ENOX1: variants seen among roughly 807,000 people sequenced by gnomAD.
ENOX1 encodes the protein ecto-NOX disulfide-thiol exchanger 1.
ENOX1 carries 42 observed loss-of-function variants against 82.5 expected under a neutral mutation model. The observed-to-expected ratio is 0.51, with a 90% CI of 0.40 to 0.66. The LOEUF is 0.66. Among genes scored for constraint, ENOX1 ranks in the 30% least tolerant of loss-of-function variants. The probability of loss-of-function intolerance (pLI) is 0.00; values close to 1 mark genes in which losing one functional copy is unlikely to be tolerated. For missense variants in ENOX1, 608 were observed against 811.6 expected, an observed-to-expected ratio of 0.75 and a Z score of 3.05; for synonymous variants, 271 against 282.2, an observed-to-expected ratio of 0.96 and a Z score of 0.40.
intron 3 of ENOX1, among the ~76,000 whole-genome samples, chr13:43,457,376 A>T (rs2057282320): frequency 6.6e-6 from 1 of 152,208 alleles, no homozygotes; most frequent in Non-Finnish European, 1.5e-5. Context: ...GACTTTCCAT[A>T]AATGTTATCT....
At chr13:43,387,181 T>A (rs142882364) in intron 5 of ENOX1, among the ~76,000 whole-genome samples, 6 of 152,250 alleles carry the variant, frequency 3.9e-5, no homozygotes, top group African/African-American at 9.6e-5. Context: ...ATAGACATAA[T>A]CAAAAGGTAA....
At chr13:43,747,350 C>A (rs988388805) in intron 1 of ENOX1, among the ~76,000 whole-genome samples, 4 of 152,158 alleles carry the variant, frequency 2.6e-5, no homozygotes, top group Admixed American at 6.6e-5. Context: ...CTAGTGAATT[C>A]TATCACTGTA....
intron 3 of ENOX1, among the ~76,000 whole-genome samples, chr13:43,437,555 T>C (rs1311331454): frequency 6.6e-6 from 1 of 152,222 alleles, no homozygotes; most frequent in Non-Finnish European, 1.5e-5. Flanking sequence ...GACAACTTAC[T>C]AGGTTTGTGA....
chr13:43,262,674 G>A (rs1042865380), intron 14 of ENOX1, among the ~76,000 whole-genome samples: 3 of 151,994 alleles, frequency 2.0e-5, no homozygotes, highest in East Asian at 3.9e-4. Context: ...CTACAGGTGC[G>A]CCATGTTGCC....
At chr13:43,584,526 T>C (rs1299795673) in intron 2 of ENOX1, among the ~76,000 whole-genome samples, 1 of 152,228 alleles carries the variant, frequency 6.6e-6, no homozygotes, top group Non-Finnish European at 1.5e-5. Flanking sequence ...CTATGGGATC[T>C]AACGTGATAA....
rs760679283 is a variant in ENOX1 at position 43,411,904 on chromosome 13, G to A, written c.208+12C>T. 2.2e-5 allele frequency: 36 copies of A among 1,613,920 alleles called. No individual in the cohort carries two copies. In the South Asian group the frequency reaches 3.8e-4, roughly 17 times the overall value. On this transcript the variant is annotated intron_variant, in intron 5 of 16. Transcript: ENST00000690772. Reference sequence around the variant, plus strand: ...CTGCTGCAAGCATCTCTGAAACCAGGAGAAAGCTTACCAGACACGAGCTGC... The same window carrying A: ...CTGCTGCAAGCATCTCTGAAACCAGAAGAAAGCTTACCAGACACGAGCTGC...
At chr13:43,775,396 T>C (rs1951855698) in intron 1 of ENOX1, among the ~76,000 whole-genome samples, 1 of 152,128 alleles carries the variant, frequency 6.6e-6, no homozygotes, top group South Asian at 2.1e-4. Flanking sequence ...CCCACCTTGG[T>C]CTCACCAAGT....
chr13:43,341,037 C>T lies in ENOX1; in HGVS notation c.1036+3501G>A, dbSNP rs1246646172. ...AGTGGGCTGGGCACAGTGGCTTACA[C>T]CTGTAATCCCAGCACTTTGGGAGGC... is the stretch of plus-strand genomic sequence containing the variant. On this transcript the variant is annotated intron_variant, in intron 9 of 16. Coordinates refer to ENST00000690772, the MANE Select transcript of ENOX1 (RefSeq NM_001347969.2). 3.3e-5 allele frequency among the ~76,000 whole-genome samples: 5 copies of T among 152,282 alleles called. No homozygotes were observed. In the East Asian group the frequency reaches 5.8e-4, roughly 18 times the overall value.
At chr13:43,500,751 GT>G (rs2076952337) in intron 2 of ENOX1, among the ~76,000 whole-genome samples, 1 of 151,820 alleles carries the variant, frequency 6.6e-6, no homozygotes, top group African/African-American at 2.4e-5. Flanking sequence ...AAAAAGATTA[GT>G]TTTAAGAATA....
At chr13:43,707,548 C>A (rs187635180) in intron 1 of ENOX1, among the ~76,000 whole-genome samples, 1 of 152,046 alleles carries the variant, frequency 6.6e-6, no homozygotes, top group East Asian at 1.9e-4. Context: ...ATCTGGCCAA[C>A]GTGGTGAAAC....
intron 1 of ENOX1, among the ~76,000 whole-genome samples, chr13:43,738,709 A>AAT (rs886250187): frequency 3.2e-5 from 4 of 126,592 alleles, no homozygotes; most frequent in Non-Finnish European, 3.3e-5. Context: ...TGATTATAGT[A>AAT]ATATATATAG....
At chr13:43,355,856 G>T in intron 8 of ENOX1, 63 bp downstream of exon 8, 1 of 1,477,820 alleles carries the variant, frequency 6.8e-7, no homozygotes, top group Non-Finnish European at 9.3e-7. Context: ...CAGGAGAAAC[G>T]CACAGGGTTC....
At chr13:43,611,740 C>T (rs2082209953) in intron 2 of ENOX1, among the ~76,000 whole-genome samples, 1 of 152,142 alleles carries the variant, frequency 6.6e-6, no homozygotes, top group Non-Finnish European at 1.5e-5. Flanking sequence ...TTCCAGAAAC[C>T]ACAGAATGTG....
intron 2 of ENOX1, among the ~76,000 whole-genome samples, chr13:43,664,110 A>T (rs2084863043): frequency 2.6e-5 from 4 of 152,200 alleles, no homozygotes; most frequent in South Asian, 4.1e-4. Flanking sequence ...TCCATAATAT[A>T]ATAATTACAT....
At chr13:43,491,114 T>C (rs2076602887) in intron 2 of ENOX1, among the ~76,000 whole-genome samples, 1 of 152,106 alleles carries the variant, frequency 6.6e-6, no homozygotes, top group African/African-American at 2.4e-5. Context: ...AAGCTTACTA[T>C]CATGGTGGAA....
intron 10 of ENOX1, among the ~76,000 whole-genome samples, chr13:43,326,138 C>G (rs1338617348): frequency 6.6e-6 from 1 of 151,780 alleles, no homozygotes; most frequent in East Asian, 1.9e-4. Context: ...AAATAATTTG[C>G]TAGGGAAAGT....
chr13:43,522,001 A>G (rs2077790346), intron 2 of ENOX1, among the ~76,000 whole-genome samples: 1 of 152,212 alleles, frequency 6.6e-6, no homozygotes, highest in South Asian at 2.1e-4. Context: ...TCCTACATGT[A>G]TAACAATTTA....
At chr13:43,750,939 T>C (rs958563361) in intron 1 of ENOX1, among the ~76,000 whole-genome samples, 2 of 152,298 alleles carry the variant, frequency 1.3e-5, no homozygotes, top group East Asian at 3.9e-4. Context: ...AACACAAACG[T>C]GGCCTGTTAC....
At chr13:43,543,615 T>G (rs2078839665) in intron 2 of ENOX1, among the ~76,000 whole-genome samples, 1 of 151,578 alleles carries the variant, frequency 6.6e-6, no homozygotes, top group Non-Finnish European at 1.5e-5. Flanking sequence ...TTTTATGCCT[T>G]TAGAACAAAA....
Sources: allele counts gnomAD v4.1 joint callset (sites outside exome capture counted in the v4.1 genomes callset), GRCh38; gene constraint gnomAD v4.1.1; transcripts MANE v1.5; gene names NCBI Gene and HGNC (gene_info 2026-07-23, HGNC 2026-07-21).